The following THADA variants were observed in gnomAD, a reference collection of about 807,000 sequenced individuals.
THADA encodes THADA armadillo repeat containing.
In THADA, 213 loss-of-function variants were observed where a neutral mutation model predicts 219.8. The ratio of observed to expected loss-of-function variants is 0.97; its 90% CI spans 0.87 to 1.09. The LOEUF (loss-of-function observed/expected upper bound fraction) is 1.09. Ranked by LOEUF, THADA falls within the 50% of genes least tolerant of loss-of-function variation. THADA has a pLI of 0.00. For missense variants in THADA, 2,956 were observed against 2,311.3 expected (o/e 1.28, Z -5.72); for synonymous variants, 1,018 against 828.9 (o/e 1.23, Z -3.92).
intron 26 of THADA, among the ~76,000 whole-genome samples, chr2:43,436,754 G>A (rs1219431293): frequency 1.3e-5 from 2 of 152,196 alleles, no homozygotes; most frequent in Non-Finnish European, 2.9e-5. Flanking sequence ...TTCAATGGAG[G>A]CACTATCAAC....
At position 43,391,593 on chromosome 2, in the gene THADA, C is replaced by G. The variant is rs189529508; in HGVS notation, c.4227+6378G>C. Among the ~76,000 whole-genome samples, 12 of 152,096 alleles carry G rather than the reference C, an allele frequency of 7.9e-5. No individual in the cohort carries two copies. In the East Asian group the frequency reaches 2.3e-3, roughly 29 times the overall value. Reference sequence around the variant, plus strand: ...AAGGTAAGATTTAACAAGGTTTAGTCCTTTCTTTAGTTTTTTTTTTAAGAG... The same window carrying G: ...AAGGTAAGATTTAACAAGGTTTAGTGCTTTCTTTAGTTTTTTTTTTAAGAG... On this transcript the variant is annotated intron_variant, in intron 29 of 37. Coordinates refer to ENST00000405975, the MANE Select transcript of THADA (RefSeq NM_022065.5).
At chr2:43,489,215 C>A (rs1687302508) in intron 25 of THADA, among the ~76,000 whole-genome samples, 1 of 152,122 alleles carries the variant, frequency 6.6e-6, no homozygotes, top group Admixed American at 6.5e-5. Flanking sequence ...GCTTCTTGCT[C>A]TGTCGCCCAG....
At chr2:43,410,466 T>C (rs985157511) in intron 28 of THADA, among the ~76,000 whole-genome samples, 2 of 152,212 alleles carry the variant, frequency 1.3e-5, no homozygotes, top group Admixed American at 6.5e-5. Flanking sequence ...TTGTTACTAG[T>C]TGATGGATAC....
intron 29 of THADA, among the ~76,000 whole-genome samples, chr2:43,385,304 G>A (rs1467474275): frequency 6.6e-6 from 1 of 151,968 alleles, no homozygotes; most frequent in Non-Finnish European, 1.5e-5. Flanking sequence ...TATACATCCT[G>A]TAATCTAAGA....
At chr2:43,458,744 C>T (rs1345342885) in intron 26 of THADA, among the ~76,000 whole-genome samples, 1 of 151,858 alleles carries the variant, frequency 6.6e-6, no homozygotes, top group Non-Finnish European at 1.5e-5. Context: ...AGTGCAATGC[C>T]GTAAATTCTG....
chr2:43,544,564 G>C (rs1298172253), intron 20 of THADA, among the ~76,000 whole-genome samples: 1 of 151,950 alleles, frequency 6.6e-6, no homozygotes, highest in East Asian at 1.9e-4. Flanking sequence ...GCAGTGGTTT[G>C]TAGTTCTCCT....
intron 20 of THADA, among the ~76,000 whole-genome samples, chr2:43,546,379 A>G (rs1574191143): frequency 6.6e-6 from 1 of 152,198 alleles, no homozygotes; most frequent in South Asian, 2.1e-4. Flanking sequence ...GTAGATGTCT[A>G]TTAGGTCCGC....
chr2:43,455,672 G>A (rs570098827), intron 26 of THADA, among the ~76,000 whole-genome samples: 33 of 152,296 alleles, frequency 2.2e-4, no homozygotes, highest in African/African-American at 7.9e-4. Context: ...TCCTGAATAA[G>A]CAGTATTGCA....
At chr2:43,540,915 G>T (rs1695211480) in intron 21 of THADA, among the ~76,000 whole-genome samples, 1 of 152,064 alleles carries the variant, frequency 6.6e-6, no homozygotes, top group Admixed American at 6.5e-5. Context: ...TAAAACTACA[G>T]TTAAAAGTGA....
At chr2:43,537,318 T>C (rs990974852) in intron 21 of THADA, among the ~76,000 whole-genome samples, 1 of 152,234 alleles carries the variant, frequency 6.6e-6, no homozygotes, top group African/African-American at 2.4e-5. Flanking sequence ...TATCCTCTAT[T>C]GTATTTCTAA....
At chr2:43,403,589 T>C (rs546372025) in intron 28 of THADA, among the ~76,000 whole-genome samples, 42 of 152,240 alleles carry the variant, frequency 2.8e-4, no homozygotes, top group African/African-American at 9.6e-4. Context: ...CCTTCCATCC[T>C]ACCTCATTAA....
At position 43,393,366 on chromosome 2, in the gene THADA, G is replaced by A. The variant is rs539397177; in HGVS notation, c.4227+4605C>T. ...CCATAAAAAGCTGTTATTCACATCAGAGGCAGCACATTCTAAAGAAAATAG... is the reference window on the plus strand; with the variant it reads ...CCATAAAAAGCTGTTATTCACATCAAAGGCAGCACATTCTAAAGAAAATAG... On this transcript the variant is annotated intron_variant, in intron 29 of 37. Coordinates refer to ENST00000405975, the MANE Select transcript of THADA (RefSeq NM_022065.5). 4.5e-3 allele frequency among the ~76,000 whole-genome samples: 681 copies of A among 152,284 alleles called. 2 individuals carry two copies. The highest frequency in any genetic ancestry group is 0.014 in the Middle Eastern group (4 of 294).
chr2:43,339,852 G>A (rs1666880474), intron 30 of THADA, among the ~76,000 whole-genome samples: 1 of 152,088 alleles, frequency 6.6e-6, no homozygotes, highest in Non-Finnish European at 1.5e-5. Context: ...CAGCTTACTT[G>A]GAAGACTCTG....
chr2:43,367,658 T>C (rs1226182691), intron 29 of THADA, among the ~76,000 whole-genome samples: 1 of 152,170 alleles, frequency 6.6e-6, no homozygotes, highest in African/African-American at 2.4e-5. Context: ...TACAAGATTG[T>C]AGTAACTGTG....
chr2:43,485,186 A>T, intron 26 of THADA, 48 bp downstream of exon 26: 2 of 1,447,558 alleles, frequency 1.4e-6, no homozygotes, highest in Middle Eastern at 1.8e-4. Flanking sequence ...GGCCAGGACA[A>T]TATTGTATTT....
chr2:43,325,087 T>C (rs952473709), intron 30 of THADA, among the ~76,000 whole-genome samples: 1 of 152,204 alleles, frequency 6.6e-6, no homozygotes, highest in Non-Finnish European at 1.5e-5. Context: ...AGAACTTGAT[T>C]AATATGTTTT....
At chr2:43,523,162 C>G (rs185409341) in intron 22 of THADA, among the ~76,000 whole-genome samples, 2 of 151,928 alleles carry the variant, frequency 1.3e-5, no homozygotes, top group East Asian at 3.9e-4. Flanking sequence ...CCCAGGAGTT[C>G]GAGACCAGCC....
At chr2:43,460,508 T>C (rs927735660) in intron 26 of THADA, among the ~76,000 whole-genome samples, 8 of 152,070 alleles carry the variant, frequency 5.3e-5, no homozygotes, top group African/African-American at 1.9e-4. Context: ...GTTCTGAAAA[T>C]AGCTCGCTGT....
chr2:43,404,137 C>T (rs1675229461), intron 28 of THADA, among the ~76,000 whole-genome samples: 1 of 152,134 alleles, frequency 6.6e-6, no homozygotes, highest in African/African-American at 2.4e-5. Context: ...TACTTTTACT[C>T]CTGTACTCTT....
Sources: gnomAD v4.1 joint callset for allele counts (sites outside exome capture counted in the v4.1 genomes callset) on GRCh38, gnomAD v4.1.1 for gene constraint, MANE v1.5 for transcripts, NCBI Gene and HGNC (gene_info 2026-07-23, HGNC 2026-07-21) for gene names.